The following TENM2 variants were observed in gnomAD, a reference collection of about 807,000 sequenced individuals.
TENM2 encodes teneurin-2.
TENM2 carries 52 observed loss-of-function variants against 245.2 expected under a neutral mutation model. That is an observed-to-expected ratio of 0.21 (90% CI 0.17 to 0.27). TENM2 has a LOEUF of 0.27. Ranked by LOEUF, TENM2 falls within the 10% of genes least tolerant of loss-of-function variation. TENM2 has a pLI of 1.00. For missense variants in TENM2, 3,046 were observed against 3,666.8 expected (o/e 0.83, Z 4.37); for synonymous variants, 1,363 against 1,438.9 (o/e 0.95, Z 1.19).
At chr5:167,716,259 C>T (rs1173450552) in intron 2 of TENM2, among the ~76,000 whole-genome samples, 1 of 152,154 alleles carries the variant, frequency 6.6e-6, no homozygotes, top group Non-Finnish European at 1.5e-5. Flanking sequence ...TGAAGGATCC[C>T]AAGGTATCTC....
rs550164921 is a variant in TENM2, at chr5:167,906,186, A to T, written c.712+29991A>T. 6.6e-5 allele frequency among the ~76,000 whole-genome samples: 10 copies of T among 152,168 alleles called. No individual in the cohort carries two copies. In the East Asian group the frequency reaches 9.7e-4, roughly 15 times the overall value. Reference sequence around the variant, plus strand: ...AGGCAGCCAGGAGTGAGGTTATTTTAAAAAAAATAAAATAAAATAAAAACC... The same window carrying T: ...AGGCAGCCAGGAGTGAGGTTATTTTTAAAAAAATAAAATAAAATAAAAACC... On this transcript the variant is annotated intron_variant, in intron 3 of 28. Coordinates refer to ENST00000518659, the Ensembl canonical transcript of TENM2.
chr5:167,042,324 A>T, the TENM2 span, among the ~76,000 whole-genome samples: 1 of 152,194 alleles, frequency 6.6e-6, no homozygotes, highest in Non-Finnish European at 1.5e-5. Flanking sequence ...CCTCATTTGC[A>T]ACCAAAAGGA....
the TENM2 span, among the ~76,000 whole-genome samples, chr5:167,006,593 C>T: frequency 6.6e-6 from 1 of 152,068 alleles, no homozygotes; most frequent in South Asian, 2.1e-4. Context: ...GGGGGTATAG[C>T]TATATGATAT....
chr5:167,315,854 T>C (rs549124825), intron 1 of TENM2, among the ~76,000 whole-genome samples: 12 of 152,122 alleles, frequency 7.9e-5, no homozygotes, highest in Non-Finnish European at 1.8e-4. Flanking sequence ...TTCCCATCCT[T>C]GTTAAATGAA....
chr5:167,054,533 G>A, the TENM2 span, among the ~76,000 whole-genome samples: 3 of 152,160 alleles, frequency 2.0e-5, no homozygotes, highest in South Asian at 2.1e-4. Context: ...TTTTAACTCC[G>A]TTGAATAAGT....
At chr5:166,999,233 G>A in the TENM2 span, among the ~76,000 whole-genome samples, 1 of 152,122 alleles carries the variant, frequency 6.6e-6, no homozygotes, top group Non-Finnish European at 1.5e-5. Flanking sequence ...GATGGATATG[G>A]GATATGGTTT....
At chr5:167,925,742 G>A (rs1319048847) in intron 3 of TENM2, among the ~76,000 whole-genome samples, 3 of 152,154 alleles carry the variant, frequency 2.0e-5, no homozygotes, top group Non-Finnish European at 4.4e-5. Flanking sequence ...TTTAAAATGT[G>A]GTACATATAC....
intron 2 of TENM2, among the ~76,000 whole-genome samples, chr5:167,684,226 A>G (rs1214660080): frequency 6.6e-6 from 1 of 152,214 alleles, no homozygotes; most frequent in Non-Finnish European, 1.5e-5. Flanking sequence ...TTGCCTACCC[A>G]TCCCAACTGG....
exon 29 of TENM2, chr5:168,262,121 A>T (rs986250690): frequency 1.2e-6 from 2 of 1,614,036 alleles, no homozygotes; most frequent in African/African-American, 2.7e-5. Flanking sequence ...ACAGGTCATT[A>T]CTAAAAAGCT....
the TENM2 span, among the ~76,000 whole-genome samples, chr5:167,059,601 T>G: frequency 6.6e-6 from 1 of 151,770 alleles, no homozygotes; most frequent in East Asian, 1.9e-4. Flanking sequence ...ACCAGCAACA[T>G]CTGGGAGTTG....
intron 12 of TENM2, among the ~76,000 whole-genome samples, chr5:168,159,532 A>C (rs2152444091): frequency 6.6e-6 from 1 of 152,298 alleles, no homozygotes; most frequent in South Asian, 2.1e-4. Context: ...TTTTTCCTTA[A>C]GCAGAAGCTG....
intron 2 of TENM2, among the ~76,000 whole-genome samples, chr5:167,638,156 C>T (rs1163373861): frequency 6.7e-6 from 1 of 149,762 alleles, no homozygotes; most frequent in African/African-American, 2.5e-5. Context: ...AGGGGGCATG[C>T]ATACACAAGT....
At chr5:167,245,292 C>A in the TENM2 span, among the ~76,000 whole-genome samples, 1 of 152,136 alleles carries the variant, frequency 6.6e-6, no homozygotes, top group Non-Finnish European at 1.5e-5. Context: ...TGCACGGTAG[C>A]TCTTCCCACT....
At chr5:167,458,678 A>T (rs189604615) in intron 2 of TENM2, among the ~76,000 whole-genome samples, 1 of 152,242 alleles carries the variant, frequency 6.6e-6, no homozygotes. Context: ...AAAATACAAC[A>T]CTAACAACAT....
chr5:167,859,494 C>G (rs1402840596), intron 2 of TENM2, among the ~76,000 whole-genome samples: 2 of 109,952 alleles, frequency 1.8e-5, no homozygotes, highest in Admixed American at 8.1e-5. Context: ...GCCACCCCGT[C>G]CGGGAGGGAG....
At chr5:167,368,182 A>G (rs146222980) in intron 1 of TENM2, among the ~76,000 whole-genome samples, 51 of 152,336 alleles carry the variant, frequency 3.3e-4, no homozygotes, top group African/African-American at 1.1e-3. Context: ...AAACCTAATT[A>G]TCAAAACTAT....
At chr5:168,262,574 G>C (rs769914301) in exon 29 of TENM2, 1 of 1,567,836 alleles carries the variant, frequency 6.4e-7, no homozygotes, top group South Asian at 1.2e-5. Flanking sequence ...CCGCGTCCTG[G>C]ACCAGGCGAG....
the TENM2 span, among the ~76,000 whole-genome samples, chr5:167,255,533 C>A: frequency 1.3e-5 from 2 of 152,094 alleles, no homozygotes; most frequent in African/African-American, 4.8e-5. Context: ...AAACTCCTGC[C>A]CTCTTTTCCT....
intron 7 of TENM2, among the ~76,000 whole-genome samples, chr5:168,067,200 T>C (rs879537994): frequency 6.6e-6 from 1 of 152,168 alleles, no homozygotes; most frequent in African/African-American, 2.4e-5. Context: ...AAGTATACGA[T>C]GGGCTTACAG....
Sources: allele counts gnomAD v4.1 joint callset (sites outside exome capture counted in the v4.1 genomes callset), GRCh38; gene constraint gnomAD v4.1.1; transcripts MANE v1.5; gene names NCBI Gene and HGNC (gene_info 2026-07-23, HGNC 2026-07-21).